The following PLGRKT variants were observed in gnomAD, a reference collection of about 807,000 sequenced individuals.
PLGRKT encodes plasminogen receptor with a C-terminal lysine.
Under a neutral mutation model 18.5 loss-of-function variants are expected in PLGRKT, and 22 were observed. The ratio of observed to expected loss-of-function variants is 1.19; its 90% confidence interval spans 0.85 to 1.70. PLGRKT has a LOEUF of 1.70. Ranked by LOEUF, PLGRKT falls within the 40% of genes most tolerant of loss-of-function variation. The probability of loss-of-function intolerance (pLI) is 0.00; values close to 1 mark genes in which losing one functional copy is unlikely to be tolerated. For missense variants in PLGRKT, 235 were observed against 174.4 expected, an observed-to-expected ratio of 1.35 and a Z score of -1.96; for synonymous variants, 72 against 52.8, an observed-to-expected ratio of 1.36 and a Z score of -1.58.
At chr9:5,417,220 G>C (rs1417843954) in intron 3 of PLGRKT, among the ~76,000 whole-genome samples, 1 of 152,150 alleles carries the variant, frequency 6.6e-6, no homozygotes, top group Non-Finnish European at 1.5e-5. Context: ...TTCTTTATCT[G>C]AGCCAGTTAA....
chr9:5,432,426 G>A (rs976208996), intron 2 of PLGRKT, among the ~76,000 whole-genome samples: 7 of 152,194 alleles, frequency 4.6e-5, no homozygotes, highest in African/African-American at 7.2e-5. Context: ...AAGATGCCTT[G>A]TGCGTCTTAA....
intron 2 of PLGRKT, among the ~76,000 whole-genome samples, chr9:5,433,002 A>C (rs1818862035): frequency 6.7e-6 from 1 of 148,184 alleles, no homozygotes; most frequent in South Asian, 2.2e-4. Context: ...CACCCCGTCT[A>C]GGAAGTGAGG....
At chr9:5,414,136 G>C (rs1363339565) in intron 3 of PLGRKT, among the ~76,000 whole-genome samples, 1 of 152,146 alleles carries the variant, frequency 6.6e-6, no homozygotes, top group African/African-American at 2.4e-5. Flanking sequence ...TGAGTTAATA[G>C]GGAGAAAGAG....
At chr9:5,415,010 A>G (rs1323507385) in intron 3 of PLGRKT, among the ~76,000 whole-genome samples, 2 of 152,238 alleles carry the variant, frequency 1.3e-5, no homozygotes, top group African/African-American at 2.4e-5. Context: ...GACAATCATC[A>G]TAACAGTAAG....
intron 3 of PLGRKT, among the ~76,000 whole-genome samples, chr9:5,423,407 C>T (rs1306991838): frequency 2.0e-5 from 3 of 152,202 alleles, no homozygotes; most frequent in Admixed American, 2.0e-4. Flanking sequence ...CATACTGTAT[C>T]TTTTACCTGC....
chr9:5,429,974 C>T (rs895019554), intron 3 of PLGRKT, among the ~76,000 whole-genome samples: 2 of 152,186 alleles, frequency 1.3e-5, no homozygotes, highest in African/African-American at 4.8e-5. Flanking sequence ...TGCCACAACC[C>T]ACCCCTTGCT....
At chr9:5,391,479 G>A (rs1452614747) in intron 3 of PLGRKT, among the ~76,000 whole-genome samples, 1 of 151,952 alleles carries the variant, frequency 6.6e-6, no homozygotes, top group Non-Finnish European at 1.5e-5. Flanking sequence ...CATGTAATGA[G>A]CTGTGCTTCT....
intron 3 of PLGRKT, among the ~76,000 whole-genome samples, chr9:5,410,122 T>C (rs1444666034): frequency 6.6e-6 from 1 of 152,352 alleles, no homozygotes; most frequent in East Asian, 1.9e-4. Context: ...TAATTGTACC[T>C]ATTCATTTTT....
chr9:5,417,977 A>G (rs1285405328), intron 3 of PLGRKT, among the ~76,000 whole-genome samples: 2 of 152,264 alleles, frequency 1.3e-5, no homozygotes, highest in Non-Finnish European at 2.9e-5. Flanking sequence ...TTCTACTTGC[A>G]TACAGAGCAT....
chr9:5,380,840 A>G (rs1490395423), intron 3 of PLGRKT, among the ~76,000 whole-genome samples: 10 of 152,160 alleles, frequency 6.6e-5, no homozygotes, highest in Admixed American at 1.3e-4. Context: ...CCCCACCCAA[A>G]TCTCATCTCA....
At chr9:5,393,070 G>T (rs1259539788) in intron 3 of PLGRKT, among the ~76,000 whole-genome samples, 1 of 151,594 alleles carries the variant, frequency 6.6e-6, no homozygotes, top group African/African-American at 2.4e-5. Flanking sequence ...TCAAACTTCT[G>T]ACCTCAGGTG....
At position 5,389,467 on chromosome 9, in the gene PLGRKT, G is replaced by C. The variant is rs764579838; in HGVS notation, c.82-27579C>G. 1.8e-4 allele frequency among the ~76,000 whole-genome samples: 28 copies of C among 151,742 alleles called. 1 individual carries two copies. Among genetic ancestry groups the C allele is most frequent in the Non-Finnish European group, 3.2e-4 (22 of 68,018 alleles). On this transcript the variant is annotated intron_variant, in intron 3 of 5. Transcript: ENST00000223864. The stretch of plus-strand genomic sequence containing the variant: ...TGCCAGGTCAGCCCCCACCTGTCAG[G>C]GTATGTAAAAAATGCCATGTGCTTT...
At chr9:5,436,765 T>G (rs1197327318) in intron 1 of PLGRKT, 71 bp from the exon 2 acceptor site, 1 of 152,232 alleles carries the variant, frequency 6.6e-6, no homozygotes, top group African/African-American at 2.4e-5. Flanking sequence ...CATTCTTTCC[T>G]TTCCCAACTT....
At chr9:5,405,653 C>A (rs141304219) in intron 3 of PLGRKT, among the ~76,000 whole-genome samples, 1 of 152,142 alleles carries the variant, frequency 6.6e-6, no homozygotes, top group African/African-American at 2.4e-5. Flanking sequence ...ACTATAAAAA[C>A]CCTAGAAGAA....
intron 3 of PLGRKT, among the ~76,000 whole-genome samples, chr9:5,373,872 G>A (rs1447113498): frequency 2.6e-5 from 4 of 152,136 alleles, no homozygotes; most frequent in Non-Finnish European, 2.9e-5. Context: ...GGCAAGTCTT[G>A]CTCCCCTCCC....
intron 3 of PLGRKT, among the ~76,000 whole-genome samples, chr9:5,421,636 T>C (rs1174839963): frequency 6.6e-6 from 1 of 152,252 alleles, no homozygotes; most frequent in Non-Finnish European, 1.5e-5. Flanking sequence ...CTGACTTTGC[T>C]GAGTGCTTAC....
intron 3 of PLGRKT, among the ~76,000 whole-genome samples, chr9:5,396,609 T>A (rs1426233519): frequency 6.6e-6 from 1 of 152,076 alleles, no homozygotes; most frequent in African/African-American, 2.4e-5. Context: ...CAAAATAATT[T>A]CAATAAAACA....
chr9:5,397,639 G>A (rs143108551), intron 3 of PLGRKT, among the ~76,000 whole-genome samples: 3,090 of 150,218 alleles, frequency 0.021, 57 homozygotes, highest in South Asian at 0.029. Context: ...GGGAGAGAGG[G>A]AAGAAGGAAG....
At chr9:5,417,281 A>G (rs904948637) in intron 3 of PLGRKT, among the ~76,000 whole-genome samples, 2 of 152,236 alleles carry the variant, frequency 1.3e-5, no homozygotes, top group Admixed American at 6.5e-5. Flanking sequence ...TAGCTTCGGT[A>G]TGCTTATAAA....
Sources: gnomAD v4.1 joint callset for allele counts (sites outside exome capture counted in the v4.1 genomes callset) on GRCh38, gnomAD v4.1.1 for gene constraint, MANE v1.5 for transcripts, NCBI Gene and HGNC (gene_info 2026-07-23, HGNC 2026-07-21) for gene names.